SHANK2: variants seen among roughly 807,000 people sequenced by gnomAD.
SHANK2 encodes SH3 and multiple ankyrin repeat domains protein 2.
In SHANK2, 43 loss-of-function variants were observed where a neutral mutation model predicts 133.7. The ratio of observed to expected loss-of-function variants is 0.32; its 90% CI spans 0.25 to 0.41. The LOEUF is 0.41. Ranked by LOEUF, SHANK2 falls within the 10% of genes least tolerant of loss-of-function variation. The pLI is 1.00. For synonymous variants in SHANK2, 1,017 were observed against 952.8 expected (o/e 1.07, Z -1.24); for missense variants, 1,994 against 2,235.8 (o/e 0.89, Z 2.18).
chr11:71,212,273 T>C (rs1954298941), intron 2 of SHANK2, among the ~76,000 whole-genome samples: 1 of 152,202 alleles, frequency 6.6e-6, no homozygotes, highest in Non-Finnish European at 1.5e-5. Flanking sequence ...TTTACCAGCG[T>C]GGCATGCAGA....
intron 25 of SHANK2, chr11:70,475,195 A>T (rs1348053656): frequency 6.6e-6 from 1 of 152,272 alleles, no homozygotes; most frequent in Non-Finnish European, 1.5e-5. Context: ...GACCCTTCAT[A>T]GAAACCACCT....
intron 1 of SHANK2, among the ~76,000 whole-genome samples, chr11:71,248,682 T>C (rs1050506323): frequency 1.3e-5 from 2 of 152,188 alleles, no homozygotes; most frequent in African/African-American, 2.4e-5. Context: ...TTATTGTGAC[T>C]AGCGGGTGGC....
chr11:70,832,756 T>C (rs1555058929), intron 11 of SHANK2, among the ~76,000 whole-genome samples: 1 of 151,256 alleles, frequency 6.6e-6, no homozygotes, highest in African/African-American at 2.4e-5. Context: ...ATGTACCCAG[T>C]GGAGGCCCAG....
At chr11:71,163,206 T>C (rs1374994733) in intron 2 of SHANK2, among the ~76,000 whole-genome samples, 1 of 146,808 alleles carries the variant, frequency 6.8e-6, no homozygotes, top group Non-Finnish European at 1.5e-5. Flanking sequence ...TCTACTTTTC[T>C]GTGTTTATAA....
At chr11:71,085,654 ATAT>A (rs1396855096) in intron 8 of SHANK2, among the ~76,000 whole-genome samples, 17 of 13,998 alleles carry the variant, frequency 1.2e-3, no homozygotes, top group Non-Finnish European at 2.7e-3. Context: ...ATTATGTTAT[ATAT>A]TATATTATAT....
At chr11:70,481,356 TAAATC>T (rs1472544157) in intron 25 of SHANK2, among the ~76,000 whole-genome samples, 1 of 152,226 alleles carries the variant, frequency 6.6e-6, no homozygotes, top group Non-Finnish European at 1.5e-5. Flanking sequence ...CGGCTAAAGT[TAAATC>T]AAACATACCC....
chr11:70,876,952 A>G (rs763540319), intron 11 of SHANK2, among the ~76,000 whole-genome samples: 18 of 152,170 alleles, frequency 1.2e-4, no homozygotes, highest in Non-Finnish European at 1.8e-4. Flanking sequence ...CACCACCTGG[A>G]CCTTGGAGAA....
chr11:70,708,823 G>C (rs144244056), intron 14 of SHANK2, among the ~76,000 whole-genome samples: 2 of 152,328 alleles, frequency 1.3e-5, no homozygotes, highest in African/African-American at 4.8e-5. Flanking sequence ...TGCCACGGGA[G>C]AGTGGGAAGA....
intron 14 of SHANK2, among the ~76,000 whole-genome samples, chr11:70,751,360 G>T (rs1320233447): frequency 6.6e-6 from 1 of 152,242 alleles, no homozygotes; most frequent in Non-Finnish European, 1.5e-5. Flanking sequence ...ATGGAGGTCA[G>T]AAGGAAGTGG....
intron 2 of SHANK2, among the ~76,000 whole-genome samples, chr11:71,216,917 C>A (rs919903132): frequency 2.6e-5 from 4 of 152,220 alleles, no homozygotes; most frequent in African/African-American, 9.6e-5. Flanking sequence ...AATAAAGAGG[C>A]TGGGTGCAGT....
intron 17 of SHANK2, among the ~76,000 whole-genome samples, chr11:70,570,061 G>A (rs1331378447): frequency 6.6e-6 from 1 of 152,176 alleles, no homozygotes; most frequent in Admixed American, 6.5e-5. Flanking sequence ...GAGCTGTTCG[G>A]TTGGGCCTCA....
At chr11:70,513,338 G>A (rs1310282127) in intron 17 of SHANK2, among the ~76,000 whole-genome samples, 1 of 152,200 alleles carries the variant, frequency 6.6e-6, no homozygotes, top group Non-Finnish European at 1.5e-5. Context: ...TTTGGTTGAT[G>A]TCTGAGCTGA....
chr11:70,950,075 G>A, intron 10 of SHANK2: 1 of 456,606 alleles, frequency 2.2e-6, no homozygotes, highest in South Asian at 1.5e-5. Context: ...CCTTTTTTTG[G>A]AGATGGAGTT....
chr11:70,893,323 C>T (rs1203285824), intron 11 of SHANK2, among the ~76,000 whole-genome samples: 1 of 152,224 alleles, frequency 6.6e-6, no homozygotes, highest in South Asian at 2.1e-4. Flanking sequence ...GAGTATGAGA[C>T]CCTCCCCACC....
intron 11 of SHANK2, among the ~76,000 whole-genome samples, chr11:70,865,559 C>T (rs1431849873): frequency 2.0e-5 from 3 of 152,098 alleles, no homozygotes; most frequent in African/African-American, 7.2e-5. Flanking sequence ...CCCCAACCGC[C>T]CATTGGATGG....
intron 3 of SHANK2, among the ~76,000 whole-genome samples, chr11:71,124,475 G>A (rs1410494286): frequency 2.0e-5 from 3 of 151,560 alleles, no homozygotes; most frequent in African/African-American, 7.3e-5. Context: ...CAGAAATTAC[G>A]CTAACCTTAT....
Position 70,486,406 on chromosome 11 carries a change from T to C in SHANK2, c.3887A>G (p.Lys1296Arg). 2 of 1,614,056 alleles carry C rather than the reference T, an allele frequency of 1.2e-6. No individual in the cohort carries two copies. Among genetic ancestry groups the C allele is most frequent in the Non-Finnish European group, 1.7e-6 (2 of 1,180,014 alleles). ...LGRDRKGDDK[K>R]NMLIDIMDTS... ...GTCCATGATGTCGATCAGCATGTTC[T>C]TCTTGTCATCGCCTTTCCGGTCTCG... Residue 1296 changes from lysine (K) to arginine (R), a missense_variant, in exon 25 of 26, where the codon AAG becomes AGG. By Grantham distance (26) the Lys-to-Arg change is conservative. Coordinates refer to ENST00000601538, the MANE Select transcript of SHANK2 (RefSeq NM_012309.5). The surrounding 1 kb of genome is among the most constrained non-coding windows in gnomAD (Gnocchi z 8.0).
intron 6 of SHANK2, among the ~76,000 whole-genome samples, chr11:71,101,911 G>A (rs980771446): frequency 5.3e-5 from 8 of 152,176 alleles, no homozygotes; most frequent in Admixed American, 2.6e-4. Flanking sequence ...AGTACACCCC[G>A]ACCCTGGAAA....
In SHANK2 at chr11:71,092,606, G is replaced by T. The variant is rs992458419; in HGVS notation, c.745-17C>A. 5.2e-6 allele frequency: 8 copies of T among 1,549,358 alleles called. No homozygotes were observed. The highest frequency in any genetic ancestry group is 7.0e-6 in the Non-Finnish European group (8 of 1,145,250). ...TAAAAGGGTCTAGGAAAAAAAAATT[G>T]AAAGCCGTCGTTATTGGTCTCATGA... On this transcript the variant is annotated splice_polypyrimidine_tract_variant and intron_variant, in intron 7 of 25. Coordinates refer to ENST00000601538, the MANE Select transcript of SHANK2 (RefSeq NM_012309.5).
Sources: gnomAD v4.1 joint callset for allele counts (sites outside exome capture counted in the v4.1 genomes callset) on GRCh38, gnomAD v4.1.1 for gene constraint, Gnocchi (gnomAD v3.1) non-coding constraint, MANE v1.5 for transcripts, NCBI Gene and HGNC (gene_info 2026-07-23, HGNC 2026-07-21) for gene names.